MAGEC3: variants seen among roughly 807,000 people sequenced by gnomAD.
MAGEC3 encodes the protein MAGE family member C3.
In MAGEC3, 34 loss-of-function variants were observed where a neutral mutation model predicts 35.3. That is an observed-to-expected ratio of 0.96 (90% CI 0.73 to 1.28). The LOEUF (loss-of-function observed/expected upper bound fraction) is 1.28, where lower values mean the gene tolerates loss of function less well. Ranked by LOEUF, MAGEC3 falls within the 50% of genes most tolerant of loss-of-function variation. The pLI, the probability that MAGEC3 is intolerant of heterozygous loss-of-function variation, is 0.00. For missense variants in MAGEC3, 561 were observed against 483.6 expected (o/e 1.16, Z -1.50); for synonymous variants, 202 against 185.6 (o/e 1.09, Z -0.72).
intron 1 of MAGEC3, among the ~76,000 whole-genome samples, chrX:141,858,054 C>T (rs1033464975): frequency 1.8e-5 from 2 of 110,402 alleles, no homozygotes; most frequent in Non-Finnish European, 3.8e-5. Flanking sequence ...TACTAATTTC[C>T]CATTTAAGGT....
At chrX:141,894,036 A>G (rs1363842632) in intron 4 of MAGEC3, among the ~76,000 whole-genome samples, 2 of 111,997 alleles carry the variant, frequency 1.8e-5, no homozygotes, top group African/African-American at 6.5e-5. Context: ...GAGATGAAAA[A>G]TGATGCAGCC....
At chrX:141,869,475 A>C (rs2017873790) in intron 2 of MAGEC3, among the ~76,000 whole-genome samples, 1 of 112,299 alleles carries the variant, frequency 8.9e-6, no homozygotes, top group Admixed American at 9.4e-5. Flanking sequence ...TGAAAAGTAA[A>C]ATAAGGATTA....
intron 4 of MAGEC3, 120 bp from the exon 5 acceptor site, chrX:141,895,149 G>A: frequency 1.2e-6 from 1 of 840,734 alleles, no homozygotes; most frequent in Non-Finnish European, 1.7e-6. Context: ...GGGGCGCTGA[G>A]GAGGGCAGGA....
In MAGEC3 at chrX:141,865,434, C is replaced by G. The variant is rs910357497; in HGVS notation, c.124-37C>G. The stretch of plus-strand genomic sequence containing the variant: ...TCTTCCATCACAGGTAGAGGTTGCC[C>G]CAGCCTAGTCCTGCCCCTGATATTT... On this transcript the variant is annotated intron_variant, in intron 1 of 7. Transcript: ENST00000298296. 4 of 1,162,138 alleles carry G rather than the reference C, an allele frequency of 3.4e-6. No homozygotes were observed. In the African/African-American group the frequency reaches 7.2e-5, roughly 21 times the overall value.
chrX:141,882,699 C>G (rs2017975478), intron 4 of MAGEC3, among the ~76,000 whole-genome samples: 1 of 112,172 alleles, frequency 8.9e-6, no homozygotes, highest in South Asian at 3.7e-4. Context: ...GCCTAACATT[C>G]TGTGAGCATT....
intron 4 of MAGEC3, among the ~76,000 whole-genome samples, chrX:141,886,556 G>A (rs2018003974): frequency 9.0e-6 from 1 of 111,316 alleles, no homozygotes; most frequent in Non-Finnish European, 1.9e-5. Flanking sequence ...GACCCAAAAT[G>A]ACATTTTGGT....
At chrX:141,895,239 G>T in intron 4 of MAGEC3, 30 bp from the exon 5 acceptor site, 1 of 1,195,908 alleles carries the variant, frequency 8.4e-7, no homozygotes, top group African/African-American at 1.8e-5. Flanking sequence ...ATGGAGAGGA[G>T]GCCCCACCCC....
chrX:141,871,374 G>T (rs1477128479), intron 2 of MAGEC3, among the ~76,000 whole-genome samples: 1 of 111,215 alleles, frequency 9.0e-6, no homozygotes, highest in Non-Finnish European at 1.9e-5. Context: ...TCCAAAATGG[G>T]ATTTGTGATG....
chrX:141,840,080 G>A, intron 1 of MAGEC3: 3 of 678,170 alleles, frequency 4.4e-6, no homozygotes, highest in Non-Finnish European at 5.3e-6. Flanking sequence ...TCTTCCTGAA[G>A]GATTTGTGTG....
At chrX:141,863,874 A>G (rs954170869) in intron 1 of MAGEC3, among the ~76,000 whole-genome samples, 14 of 111,765 alleles carry the variant, frequency 1.3e-4, no homozygotes, top group Middle Eastern at 4.6e-3. Flanking sequence ...CTGGTTGGAA[A>G]AAATATATAG....
chrX:141,879,363 C>T lies in MAGEC3; in HGVS notation c.447C>T (p.Gly149=), dbSNP rs143969761. 3.6e-5 allele frequency: 43 copies of T among 1,192,561 alleles called. No homozygotes were observed. The African/African-American group carries it at 5.8e-4, about 16-fold the overall frequency. ...KDSDLPTWRR[G]TGYTLSLPAV... The stretch of plus-strand genomic sequence containing the variant: ...GTGACCTTCCAACATGGAGGAGAGG[C>T]ACAGGCTACACCCTTTCCCTTCCTG... The change falls in exon 3 of 8, where the codon GGC becomes GGT. Residue 149 remains glycine (G), a synonymous_variant. Transcript: ENST00000298296.
intron 1 of MAGEC3, among the ~76,000 whole-genome samples, chrX:141,864,644 G>A (rs149213106): frequency 0.021 from 2,356 of 111,292 alleles, 16 homozygotes; most frequent in Middle Eastern, 0.042. Context: ...GATGGCAGGA[G>A]GGAGAGGATC....
chrX:141,858,682 T>TAC (rs2124094500), intron 1 of MAGEC3, among the ~76,000 whole-genome samples: 1 of 110,447 alleles, frequency 9.1e-6, no homozygotes, highest in East Asian at 2.9e-4. Flanking sequence ...GTGAGATACA[T>TAC]ACACACACAC....
At chrX:141,852,910 T>C (rs2017759700) in intron 1 of MAGEC3, among the ~76,000 whole-genome samples, 1 of 111,149 alleles carries the variant, frequency 9.0e-6, no homozygotes, top group Admixed American at 9.6e-5. Context: ...TAAAATCTGG[T>C]TTGGTATTAT....
At chrX:141,845,442 T>C (rs2017710420) in intron 1 of MAGEC3, among the ~76,000 whole-genome samples, 1 of 111,300 alleles carries the variant, frequency 9.0e-6, no homozygotes, top group Non-Finnish European at 1.9e-5. Context: ...CTTTAAGTTT[T>C]GCCGAATAAA....
In MAGEC3 at chrX:141,850,044, T is replaced by C. The variant is rs943949834; in HGVS notation, c.123+11606T>C. 4.5e-5 allele frequency among the ~76,000 whole-genome samples: 5 copies of C among 111,565 alleles called. No individual in the cohort carries two copies. In the Admixed American group the frequency reaches 4.8e-4, roughly 11 times the overall value. ...TACATCATGGAATACTATGCAGCTATAAAAATGATAATATCATATCCTTTA... is the reference window on the plus strand; with the variant it reads ...TACATCATGGAATACTATGCAGCTACAAAAATGATAATATCATATCCTTTA... On this transcript the variant is annotated intron_variant, in intron 1 of 7. Coordinates refer to ENST00000298296, the MANE Select transcript of MAGEC3 (RefSeq NM_138702.1).
chrX:141,852,200 T>C (rs2017755054), intron 1 of MAGEC3, among the ~76,000 whole-genome samples: 1 of 110,014 alleles, frequency 9.1e-6, no homozygotes, highest in Admixed American at 9.7e-5. Context: ...CTGTTGCTAT[T>C]GTAAATGGAA....
intron 1 of MAGEC3, among the ~76,000 whole-genome samples, chrX:141,856,096 C>T (rs763145508): frequency 1.2e-4 from 13 of 111,449 alleles, no homozygotes; most frequent in Non-Finnish European, 2.3e-4. Flanking sequence ...AGACATGTAC[C>T]CATCATCTTG....
At chrX:141,846,519 C>T (rs892110803) in intron 1 of MAGEC3, among the ~76,000 whole-genome samples, 6 of 110,633 alleles carry the variant, frequency 5.4e-5, no homozygotes, top group Non-Finnish European at 7.6e-5. Context: ...CAGACAAAGA[C>T]GCTACCTATG....
Sources: gnomAD v4.1 joint callset for allele counts (sites outside exome capture counted in the v4.1 genomes callset) on GRCh38, gnomAD v4.1.1 for gene constraint, MANE v1.5 for transcripts, NCBI Gene and HGNC (gene_info 2026-07-23, HGNC 2026-07-21) for gene names.